Variants in FRK observed in about 807,000 individuals in gnomAD.
FRK encodes tyrosine-protein kinase FRK.
Under a neutral mutation model 56.4 loss-of-function variants are expected in FRK, and 51 were observed. The observed-to-expected ratio is 0.90, with a 90% confidence interval of 0.72 to 1.14. FRK has a LOEUF of 1.14. FRK is among the 50% of genes most tolerant of loss of function. FRK has a pLI of 0.00. For synonymous variants in FRK, 245 were observed against 217.9 expected (o/e 1.12, Z -1.10); for missense variants, 570 against 601.4 (o/e 0.95, Z 0.55).
Position 115,939,118 on chromosome 6 carries a change from A to G in FRK, c.*3296T>C, listed in dbSNP as rs1165302547. ...ATACTGGCAAACTGAGTGCAGCAGC[A>G]CATCAAAAAGCTTATCCACCACGAT... is the stretch of plus-strand genomic sequence containing the variant. On this transcript the variant is annotated 3_prime_UTR_variant, in exon 8 of 8. Transcript: ENST00000606080. 1 of 152,186 alleles carries G rather than the reference A, an allele frequency of 6.6e-6. No individual in the cohort carries two copies. The highest frequency in any genetic ancestry group is 1.5e-5 in the Non-Finnish European group (1 of 68,040). The allele number at this position is 152,186 out of a possible 1,614,324, so 9.4% of individuals were successfully genotyped here.
the FRK span, among the ~76,000 whole-genome samples, chr6:116,068,636 A>G: frequency 6.6e-6 from 1 of 152,160 alleles, no homozygotes; most frequent in Admixed American, 6.6e-5. Context: ...GACTACATTA[A>G]ACATCCAGCC....
chr6:116,059,584 G>A (rs1582770783), intron 1 of FRK, among the ~76,000 whole-genome samples: 1 of 152,138 alleles, frequency 6.6e-6, no homozygotes, highest in Non-Finnish European at 1.5e-5. Flanking sequence ...AGAATCTGAA[G>A]TTTAGATTTG....
Position 116,039,541 on chromosome 6 carries a change from C to T in FRK, c.344+20427G>A, listed in dbSNP as rs775436786. ...CCTTCCTGCCAAGCCAGGGACTAAGCAGCCCAGAAGCCCAGTAACTGCCCC... is the reference window on the plus strand; with the variant it reads ...CCTTCCTGCCAAGCCAGGGACTAAGTAGCCCAGAAGCCCAGTAACTGCCCC... On this transcript the variant is annotated intron_variant, in intron 1 of 7. Coordinates refer to ENST00000606080, the MANE Select transcript of FRK (RefSeq NM_002031.3). The T allele has an allele frequency of 4.7e-5, 53 of 1,116,826 alleles. No individual in the cohort carries two copies. The South Asian group carries it at 6.3e-4, about 13-fold the overall frequency. 69.2% of individuals were successfully genotyped at this position (1,116,826 alleles called of 1,614,324 possible).
intron 2 of FRK, among the ~76,000 whole-genome samples, chr6:115,980,849 C>A (rs1774172054): frequency 6.6e-6 from 1 of 151,904 alleles, no homozygotes; most frequent in South Asian, 2.1e-4. Flanking sequence ...TCCCTTTTTG[C>A]CTTACCTGCC....
intron 4 of FRK, among the ~76,000 whole-genome samples, chr6:115,966,338 C>T (rs1416162868): frequency 1.3e-5 from 2 of 152,278 alleles, no homozygotes. Context: ...AAAAACCCAG[C>T]TTCACAAAGA....
intron 1 of FRK, among the ~76,000 whole-genome samples, chr6:116,041,122 T>G: frequency 6.6e-6 from 1 of 152,214 alleles, no homozygotes. Flanking sequence ...CAACTATCGC[T>G]TCCCTGAGTT....
intron 2 of FRK, among the ~76,000 whole-genome samples, chr6:115,983,859 G>A (rs1774296873): frequency 6.6e-6 from 1 of 152,000 alleles, no homozygotes; most frequent in East Asian, 1.9e-4. Flanking sequence ...CCTTGTTACT[G>A]TCCCCTTTAA....
the FRK span, among the ~76,000 whole-genome samples, chr6:116,070,320 G>C: frequency 6.6e-6 from 1 of 152,112 alleles, no homozygotes; most frequent in East Asian, 1.9e-4. Context: ...GGCAGGGTTG[G>C]GGGGCTGCAT....
Position 115,968,573 on chromosome 6 carries a change from C to T in FRK, c.630+3G>A. ...AAAAAACACAGCTTGAAAGCATTTT[C>T]ACCTTTAAGCATGGTTTCCCCAGCT... On this transcript the variant is annotated splice_donor_region_variant and intron_variant, in intron 3 of 7. Transcript: ENST00000606080. 1.2e-6 allele frequency: 2 copies of T among 1,604,924 alleles called. No homozygotes were observed. Among genetic ancestry groups the T allele is most frequent in the East Asian group, 2.2e-5 (1 of 44,734 alleles).
intron 5 of FRK, among the ~76,000 whole-genome samples, chr6:115,951,142 C>T (rs1219543553): frequency 6.6e-6 from 1 of 151,970 alleles, no homozygotes; most frequent in African/African-American, 2.4e-5. Flanking sequence ...ATGTTCTACA[C>T]CTGTATCCCA....
At chr6:115,962,374 A>C in intron 4 of FRK, among the ~76,000 whole-genome samples, 1 of 150,738 alleles carries the variant, frequency 6.6e-6, no homozygotes, top group East Asian at 2.0e-4. Flanking sequence ...CACCCAATAC[A>C]GGAGCACCCA....
intron 5 of FRK, among the ~76,000 whole-genome samples, chr6:115,951,740 A>G (rs114941649): frequency 2.0e-4 from 30 of 152,312 alleles, no homozygotes; most frequent in African/African-American, 7.2e-4. Flanking sequence ...GACAGGCATA[A>G]TACTGGAGGA....
chr6:116,022,901 A>G (rs1025686316), intron 1 of FRK, among the ~76,000 whole-genome samples: 18 of 152,350 alleles, frequency 1.2e-4, no homozygotes, highest in African/African-American at 4.3e-4. Flanking sequence ...AGCATAGCAA[A>G]GAAACTGAAG....
intron 2 of FRK, among the ~76,000 whole-genome samples, chr6:115,996,038 T>G (rs1020548280): frequency 6.6e-6 from 1 of 152,176 alleles, no homozygotes; most frequent in African/African-American, 2.4e-5. Context: ...AACATTCTCT[T>G]TCTGCAGCAT....
chr6:116,094,940 T>C, the FRK span, among the ~76,000 whole-genome samples: 483 of 152,330 alleles, frequency 3.2e-3, no homozygotes, highest in African/African-American at 0.011. Flanking sequence ...CAGCGTACCA[T>C]ATTCCTTTAA....
intron 2 of FRK, among the ~76,000 whole-genome samples, chr6:115,974,550 T>C (rs911526443): frequency 3.9e-5 from 6 of 152,276 alleles, no homozygotes; most frequent in Non-Finnish European, 7.4e-5. Flanking sequence ...ATTTAATTAG[T>C]ATATAACCAA....
At chr6:116,009,908 G>A (rs190567723) in intron 1 of FRK, among the ~76,000 whole-genome samples, 3 of 152,226 alleles carry the variant, frequency 2.0e-5, no homozygotes, top group Admixed American at 2.0e-4. Context: ...TATTAGGAGT[G>A]TTATAGGTTT....
At chr6:116,073,511 T>G in the FRK span, among the ~76,000 whole-genome samples, 1 of 152,046 alleles carries the variant, frequency 6.6e-6, no homozygotes, top group East Asian at 1.9e-4. Context: ...GCAAACAAAA[T>G]GCATCAATAT....
chr6:115,994,299 A>G (rs1217144791), intron 2 of FRK, among the ~76,000 whole-genome samples: 1 of 107,952 alleles, frequency 9.3e-6, no homozygotes, highest in East Asian at 3.3e-4. Flanking sequence ...AAATTTTGTT[A>G]TTGGGTATCC....
Sources: allele counts gnomAD v4.1 joint callset (sites outside exome capture counted in the v4.1 genomes callset), GRCh38; gene constraint gnomAD v4.1.1; transcripts MANE v1.5; gene names NCBI Gene and HGNC (gene_info 2026-07-23, HGNC 2026-07-21).